ADAP1: variants seen among roughly 807,000 people sequenced by gnomAD.
ADAP1 encodes the protein ArfGAP with dual PH domains 1.
ADAP1 carries 31 observed loss-of-function variants against 54.9 expected under a neutral mutation model. The observed-to-expected ratio is 0.56, with a 90% confidence interval of 0.42 to 0.76. The LOEUF (loss-of-function observed/expected upper bound fraction) is 0.76. Ranked by LOEUF, ADAP1 falls within the 30% of genes least tolerant of loss-of-function variation. The pLI is 0.00. For missense variants in ADAP1, 535 were observed against 512.4 expected (o/e 1.04, Z -0.42); for synonymous variants, 313 against 202.6 (o/e 1.55, Z -4.63).
In ADAP1 at chr7:926,870, G is replaced by T; in HGVS notation, c.214-226C>A. ...AGGAGCCAGCGTCCCTAACGACGGG[G>T]TCCCGGCAAAGGGGGCCCAGGGGCC... is the stretch of plus-strand genomic sequence containing the variant. On this transcript the variant is annotated intron_variant, in intron 2 of 10. Coordinates refer to ENST00000265846, the MANE Select transcript of ADAP1 (RefSeq NM_006869.4). The surrounding 1 kb of genome is among the most constrained non-coding windows in gnomAD (Gnocchi z 4.6). 1.1e-6 allele frequency: 1 copy of T among 890,658 alleles called. No homozygotes were observed. Among genetic ancestry groups the T allele is most frequent in the African/African-American group, 1.7e-5 (1 of 57,166 alleles). The allele number at this position is 890,658 out of a possible 1,614,324, so 55.2% of individuals were successfully genotyped here. A position where few individuals can be genotyped will look rare whatever the true frequency, so the allele number is the denominator to read the frequency against.
chr7:907,324 G>A (rs555538698), intron 4 of ADAP1, among the ~76,000 whole-genome samples: 36 of 152,254 alleles, frequency 2.4e-4, no homozygotes, highest in African/African-American at 7.7e-4. Context: ...AGAGATATGA[G>A]GACAGGAGGG....
chr7:901,989 C>T (rs1844841399), intron 6 of ADAP1, among the ~76,000 whole-genome samples: 1 of 152,032 alleles, frequency 6.6e-6, no homozygotes, highest in African/African-American at 2.4e-5. Flanking sequence ...GCAGACGGGG[C>T]ATGCCTGGTG....
rs557041215 is a variant in ADAP1 at position 929,803 on chromosome 7, AT to A, written c.214-3160del. On this transcript the variant is annotated intron_variant, in intron 2 of 10. Transcript: ENST00000265846. ...TGGATTATACCTCAACAAAGCTGTT[AT>A]TAAAAAATAACCTTCAGGGTTGGGT... Among the ~76,000 whole-genome samples the A allele has an allele frequency of 3.6e-3, 542 of 152,204 alleles. 3 individuals are homozygous for A. Among genetic ancestry groups the A allele is most frequent in the Non-Finnish European group, 6.5e-3 (444 of 68,010 alleles).
rs191895505 is a variant in ADAP1 at position 903,217 on chromosome 7, C to G, written c.648+909G>C. ...GTGGGAAGAGCGATCACAGCGTGCT[C>G]TGAGGCCAGGGGCTGCACCCGACTC... On this transcript the variant is annotated intron_variant, in intron 6 of 10. Coordinates refer to ENST00000265846, the MANE Select transcript of ADAP1 (RefSeq NM_006869.4). Among the ~76,000 whole-genome samples the G allele has an allele frequency of 8.5e-4, 130 of 152,242 alleles. 2 individuals are homozygous for G. Among genetic ancestry groups the G allele is most frequent in the African/African-American group, 2.8e-3 (116 of 41,544 alleles).
rs770754816 is a variant in ADAP1, at chr7:926,675, C to T, written c.214-31G>A. 13 of 1,520,118 alleles carry T rather than the reference C, an allele frequency of 8.6e-6. No homozygotes were observed. The African/African-American group carries it at 1.8e-4, about 21-fold the overall frequency. 94.2% of individuals were successfully genotyped at this position (1,520,118 alleles called of 1,614,324 possible). On this transcript the variant is annotated intron_variant, in intron 2 of 10. Coordinates refer to ENST00000265846, the MANE Select transcript of ADAP1 (RefSeq NM_006869.4). The surrounding 1 kb of genome is among the most constrained non-coding windows in gnomAD (Gnocchi z 4.6). Reference sequence around the variant, plus strand: ...AGAGAGGAGGGGCCGGGTCAGAGGCCTGGGGTCCCAGGGGCAGCCTAGGAG... The same window carrying T: ...AGAGAGGAGGGGCCGGGTCAGAGGCTTGGGGTCCCAGGGGCAGCCTAGGAG...
At chr7:935,308 G>C in intron 2 of ADAP1, 67 bp downstream of exon 2, 1 of 1,522,540 alleles carries the variant, frequency 6.6e-7, no homozygotes, top group Non-Finnish European at 8.8e-7. Flanking sequence ...GGCATCTCTG[G>C]CTCCAGAGGC....
At chr7:900,862 T>TGAGAAGGG (rs1844767759) in intron 6 of ADAP1, 2 of 585,906 alleles carry the variant, frequency 3.4e-6, no homozygotes, top group Non-Finnish European at 6.2e-6. Context: ...GGCGAAGTCC[T>TGAGAAGGG]GAGAAGGGCC....
In ADAP1 at chr7:926,605, A is replaced by C; in HGVS notation, c.253T>G (p.Phe85Val). The stretch of plus-strand genomic sequence containing the variant: ...TAGAAGGAGGGTACTTTGGACTCAA[A>C]CCTGGCTCTCGCGGCGTCGTTCCCG... ...SHGNDAARAR[F>V]ESKVPSFYYR... The change falls in exon 3 of 11, where the codon TTT becomes GTT. Residue 85 changes from phenylalanine to valine, a missense_variant. Transcript: ENST00000265846. This position sits in a 1 kb window ranked among gnomAD's most constrained non-coding sequence, Gnocchi z 4.6. 1.6e-5 allele frequency: 24 copies of C among 1,545,888 alleles called. No individual in the cohort carries two copies. The highest frequency in any genetic ancestry group is 2.1e-5 in the Non-Finnish European group (24 of 1,145,572).
In ADAP1 at chr7:920,074, C is replaced by G; in HGVS notation, c.306-24G>C. 1 of 1,600,142 alleles carries G rather than the reference C, an allele frequency of 6.2e-7. No individual in the cohort carries two copies. The highest frequency in any genetic ancestry group is 8.5e-7 in the Non-Finnish European group (1 of 1,177,428). Reference sequence around the variant, plus strand: ...GCCTGTGGGGAGAGGAGAGACTGAGCCACTGGGCCAAGGCGGCCTCCGACC... The same window carrying G: ...GCCTGTGGGGAGAGGAGAGACTGAGGCACTGGGCCAAGGCGGCCTCCGACC... On this transcript the variant is annotated intron_variant, in intron 3 of 10. Transcript: ENST00000265846. The surrounding 1 kb of genome is among the most constrained non-coding windows in gnomAD (Gnocchi z 4.5).
At chr7:939,509 C>G (rs957940643) in intron 1 of ADAP1, among the ~76,000 whole-genome samples, 1 of 151,858 alleles carries the variant, frequency 6.6e-6, no homozygotes. Context: ...TGAGCCACCA[C>G]GCCCAGCCTA....
At position 913,198 on chromosome 7, in the gene ADAP1, C is replaced by CTTTT. The variant is rs10698107; in HGVS notation, c.388+6766_388+6769dup. On this transcript the variant is annotated intron_variant, in intron 4 of 10. Coordinates refer to ENST00000265846, the MANE Select transcript of ADAP1 (RefSeq NM_006869.4). ...AAAGGCTGCTGGCCTCCTCCCCTTCCTTTTTTTTTTTTTTTTTTTTGAGAC... is the reference window on the plus strand; with the variant it reads ...AAAGGCTGCTGGCCTCCTCCCCTTCCTTTTTTTTTTTTTTTTTTTTTTTTGAGAC... Among the ~76,000 whole-genome samples, 160 of 104,194 alleles carry CTTTT rather than the reference C, an allele frequency of 1.5e-3. 8 individuals are homozygous for CTTTT. The highest frequency in any genetic ancestry group is 4.5e-3 in the East Asian group (16 of 3,570). 68.4% of individuals were successfully genotyped at this position (104,194 alleles called of 152,430 possible).
chr7:934,413 G>A (rs1228273049), intron 2 of ADAP1, among the ~76,000 whole-genome samples: 1 of 151,934 alleles, frequency 6.6e-6, no homozygotes, highest in Non-Finnish European at 1.5e-5. Context: ...GGTCAATGGT[G>A]CTGGAGAGGG....
chr7:947,822 C>T (rs1052155449), intron 1 of ADAP1, among the ~76,000 whole-genome samples: 1 of 152,104 alleles, frequency 6.6e-6, no homozygotes, highest in Admixed American at 6.5e-5. Flanking sequence ...CCATGGTTCC[C>T]ATCCCACCCA....
At chr7:925,364 A>T (rs964002192) in intron 3 of ADAP1, among the ~76,000 whole-genome samples, 9 of 72,654 alleles carry the variant, frequency 1.2e-4, no homozygotes, top group Non-Finnish European at 1.7e-4. Flanking sequence ...CTATATTTAA[A>T]AAAAAAAAAA....
intron 4 of ADAP1, among the ~76,000 whole-genome samples, chr7:909,621 T>C (rs1845637290): frequency 6.6e-6 from 1 of 152,210 alleles, no homozygotes; most frequent in Non-Finnish European, 1.5e-5. Flanking sequence ...CTCAGGGGCC[T>C]GCAGCCCCCA....
chr7:949,850 C>A (rs1847226711), intron 1 of ADAP1, among the ~76,000 whole-genome samples: 1 of 152,260 alleles, frequency 6.6e-6, no homozygotes, highest in Non-Finnish European at 1.5e-5. Flanking sequence ...TGGCCTGTGG[C>A]TTGAGTGCAA....
chr7:913,241 C>T (rs1845797006), intron 4 of ADAP1, among the ~76,000 whole-genome samples: 1 of 145,798 alleles, frequency 6.9e-6, no homozygotes, highest in African/African-American at 2.6e-5. Flanking sequence ...CGCTCTGTCG[C>T]CCAGGCTGGA....
intron 2 of ADAP1, among the ~76,000 whole-genome samples, chr7:928,815 G>C (rs998200880): frequency 6.6e-6 from 1 of 152,246 alleles, no homozygotes; most frequent in African/African-American, 2.4e-5. Flanking sequence ...TAAACACAGA[G>C]TTACCATAGA....
intron 2 of ADAP1, among the ~76,000 whole-genome samples, chr7:930,383 C>G (rs1036234876): frequency 5.6e-5 from 3 of 53,832 alleles, no homozygotes; most frequent in African/African-American, 3.4e-4. Flanking sequence ...AGTTCACAGG[C>G]AAGAAAACAC....
Sources: gnomAD v4.1 joint callset for allele counts (sites outside exome capture counted in the v4.1 genomes callset) on GRCh38, gnomAD v4.1.1 for gene constraint, Gnocchi (gnomAD v3.1) non-coding constraint, MANE v1.5 for transcripts, NCBI Gene and HGNC (gene_info 2026-07-23, HGNC 2026-07-21) for gene names.